Variants in POU6F2 observed in about 807,000 individuals in gnomAD.
POU6F2 encodes the protein POU class 6 homeobox 2.
In POU6F2, 31 loss-of-function variants were observed where a neutral mutation model predicts 71.3. That is an observed-to-expected ratio of 0.43 (90% CI 0.33 to 0.59). The LOEUF (loss-of-function observed/expected upper bound fraction) is 0.59. Among genes scored for constraint, POU6F2 ranks in the 20% least tolerant of loss-of-function variants. The pLI is 0.04. For missense variants in POU6F2, 783 were observed against 856.8 expected (o/e 0.91, Z 1.07); for synonymous variants, 347 against 355.7 (o/e 0.98, Z 0.27).
At chr7:38,985,428 A>G (rs1788439352) in intron 1 of POU6F2, among the ~76,000 whole-genome samples, 1 of 152,088 alleles carries the variant, frequency 6.6e-6, no homozygotes, top group East Asian at 1.9e-4. Context: ...AATTTTATCC[A>G]TTAAAAAAAA....
chr7:39,028,519 T>C (rs1003640901), intron 1 of POU6F2, among the ~76,000 whole-genome samples: 2 of 152,108 alleles, frequency 1.3e-5, no homozygotes, highest in Non-Finnish European at 2.9e-5. Flanking sequence ...AAAAATCTAG[T>C]TGAAATTTTG....
chr7:39,170,558 C>T (rs1793198423), intron 2 of POU6F2, among the ~76,000 whole-genome samples: 1 of 152,098 alleles, frequency 6.6e-6, no homozygotes, highest in African/African-American at 2.4e-5. Flanking sequence ...TAGATGAAGG[C>T]TTACCTAATC....
chr7:39,127,083 T>C lies in POU6F2; in HGVS notation c.277+41052T>C, dbSNP rs143288843. ...ATAAAAATGCTATCATTTGAAGATG[T>C]AAATTAAATGTATTCATTAGATAAA... On this transcript the variant is annotated intron_variant, in intron 2 of 9. Coordinates refer to ENST00000518318, the MANE Select transcript of POU6F2 (RefSeq NM_001370959.1). Among the ~76,000 whole-genome samples, 3 of 152,378 alleles carry C rather than the reference T, an allele frequency of 2.0e-5. No homozygotes were observed. In the East Asian group the frequency reaches 5.8e-4, roughly 29 times the overall value.
intron 2 of POU6F2, among the ~76,000 whole-genome samples, chr7:39,117,039 A>C (rs775036900): frequency 4.6e-5 from 7 of 152,082 alleles, no homozygotes; most frequent in Non-Finnish European, 1.0e-4. Context: ...TTTTGAGGTG[A>C]ATTATAGCCA....
chr7:39,033,958 G>C (rs1223597707), intron 1 of POU6F2, among the ~76,000 whole-genome samples: 1 of 152,182 alleles, frequency 6.6e-6, no homozygotes, highest in African/African-American at 2.4e-5. Context: ...TAAGATAAAA[G>C]TTGCTGAAAA....
chr7:39,045,230 A>G (rs1273665684), intron 1 of POU6F2, among the ~76,000 whole-genome samples: 1 of 151,982 alleles, frequency 6.6e-6, no homozygotes, highest in Non-Finnish European at 1.5e-5. Context: ...CTGAGAAATT[A>G]TCAGCACCTT....
At chr7:39,079,951 A>T (rs1229858327) in intron 1 of POU6F2, among the ~76,000 whole-genome samples, 1 of 152,224 alleles carries the variant, frequency 6.6e-6, no homozygotes, top group African/African-American at 2.4e-5. Flanking sequence ...TTTTGTTTGC[A>T]GCCCAAAAAG....
At chr7:39,294,510 G>A (rs1405143025) in intron 4 of POU6F2, among the ~76,000 whole-genome samples, 1 of 151,812 alleles carries the variant, frequency 6.6e-6, no homozygotes, top group East Asian at 2.0e-4. Context: ...TGAAAGAGCT[G>A]TGAAGTAGCA....
At chr7:39,125,072 C>T (rs935570187) in intron 2 of POU6F2, among the ~76,000 whole-genome samples, 6 of 151,980 alleles carry the variant, frequency 3.9e-5, no homozygotes, top group Admixed American at 6.6e-5. Context: ...TATAAAAATA[C>T]CTACCACAAT....
At chr7:39,095,466 A>G (rs1791434838) in intron 2 of POU6F2, among the ~76,000 whole-genome samples, 1 of 152,184 alleles carries the variant, frequency 6.6e-6, no homozygotes, top group South Asian at 2.1e-4. Flanking sequence ...GTCACATTGG[A>G]GATTGCTGAT....
chr7:39,026,150 TGG>T (rs1789795452), intron 1 of POU6F2, among the ~76,000 whole-genome samples: 1 of 151,806 alleles, frequency 6.6e-6, no homozygotes, highest in Non-Finnish European at 1.5e-5. Context: ...ACACTGTTGG[TGG>T]GACTGTAAAC....
chr7:39,059,474 C>A (rs1258506838), intron 1 of POU6F2, among the ~76,000 whole-genome samples: 2 of 149,234 alleles, frequency 1.3e-5, no homozygotes, highest in African/African-American at 2.5e-5. Flanking sequence ...AACGAGATAC[C>A]ACTTCATACC....
At chr7:38,990,224 T>C (rs1788569884) in intron 1 of POU6F2, among the ~76,000 whole-genome samples, 1 of 151,770 alleles carries the variant, frequency 6.6e-6, no homozygotes. Context: ...AAAAAGTATA[T>C]CTTAACTCAA....
intron 4 of POU6F2, among the ~76,000 whole-genome samples, chr7:39,306,421 G>A (rs950025360): frequency 6.6e-6 from 1 of 152,172 alleles, no homozygotes; most frequent in Non-Finnish European, 1.5e-5. Flanking sequence ...TATGGATGAG[G>A]AAACCGAGGT....
chr7:39,365,729 A>G (rs1786487625), intron 5 of POU6F2, among the ~76,000 whole-genome samples: 2 of 152,220 alleles, frequency 1.3e-5, no homozygotes, highest in African/African-American at 2.4e-5. Context: ...TCTATTCTCA[A>G]TGGAATAAGA....
intron 1 of POU6F2, among the ~76,000 whole-genome samples, chr7:39,041,684 T>C (rs1790196439): frequency 6.6e-6 from 1 of 151,952 alleles, no homozygotes; most frequent in African/African-American, 2.4e-5. Context: ...TATATTCTTT[T>C]TTATTTCCAT....
At chr7:39,253,058 T>G (rs1294807089) in intron 4 of POU6F2, among the ~76,000 whole-genome samples, 1 of 152,186 alleles carries the variant, frequency 6.6e-6, no homozygotes, top group Non-Finnish European at 1.5e-5. Context: ...CCATGAACGT[T>G]AGTGCAGGAA....
intron 5 of POU6F2, among the ~76,000 whole-genome samples, chr7:39,396,727 A>G (rs1462848572): frequency 6.6e-6 from 1 of 152,146 alleles, no homozygotes; most frequent in Non-Finnish European, 1.5e-5. Flanking sequence ...GCCTCAAAGC[A>G]GCAGCACTTG....
intron 1 of POU6F2, among the ~76,000 whole-genome samples, chr7:38,992,241 C>T (rs951808410): frequency 6.6e-6 from 1 of 152,196 alleles, no homozygotes; most frequent in East Asian, 1.9e-4. Context: ...CATTTGTTCC[C>T]TCTCAACATT....
Sources: gnomAD v4.1 joint callset for allele counts (sites outside exome capture counted in the v4.1 genomes callset) on GRCh38, gnomAD v4.1.1 for gene constraint, MANE v1.5 for transcripts, NCBI Gene and HGNC (gene_info 2026-07-23, HGNC 2026-07-21) for gene names.